The following DRC8 variants were observed in gnomAD, a reference collection of about 807,000 sequenced individuals.
DRC8 encodes the protein dynein regulatory complex protein 8.
the DRC8 span, among the ~76,000 whole-genome samples, chr1:244,975,077 C>A: frequency 3.3e-5 from 5 of 152,228 alleles, no homozygotes; most frequent in South Asian, 1.0e-3. Context: ...ACTACAGGTG[C>A]CTGCCACCAC....
the DRC8 span, among the ~76,000 whole-genome samples, chr1:245,076,725 A>AT: frequency 0.11 from 16,186 of 149,060 alleles, 1,128 homozygotes; most frequent in African/African-American, 0.2. Context: ...TGTGAAATAC[A>AT]TTTTTTTTTT....
chr1:245,020,812 T>G, the DRC8 span, among the ~76,000 whole-genome samples: 2 of 150,844 alleles, frequency 1.3e-5, no homozygotes, highest in Non-Finnish European at 3.0e-5. Flanking sequence ...TTTTTTTTAG[T>G]AGAGACGGGG....
the DRC8 span, among the ~76,000 whole-genome samples, chr1:245,081,061 C>A: frequency 1.3e-5 from 2 of 152,082 alleles, no homozygotes; most frequent in African/African-American, 4.8e-5. Flanking sequence ...GTTATTTCCT[C>A]ATGGATGACT....
the DRC8 span, chr1:245,124,021 G>C: frequency 1.3e-5 from 2 of 153,062 alleles, no homozygotes; most frequent in African/African-American, 4.8e-5. Flanking sequence ...TGATCCTCCC[G>C]CCTTGGCCTC....
At chr1:245,052,027 A>C in the DRC8 span, among the ~76,000 whole-genome samples, 1 of 152,070 alleles carries the variant, frequency 6.6e-6, no homozygotes, top group African/African-American at 2.4e-5. Context: ...GTGGGTGATA[A>C]GGACGTTTTC....
the DRC8 span, among the ~76,000 whole-genome samples, chr1:245,006,631 C>G: frequency 6.6e-6 from 1 of 152,068 alleles, no homozygotes; most frequent in Admixed American, 6.6e-5. Flanking sequence ...GAACAGAGTT[C>G]AGAAGGGTTT....
At chr1:244,970,746 C>A in the DRC8 span, 1 of 455,076 alleles carries the variant, frequency 2.2e-6, no homozygotes, top group Admixed American at 5.0e-5. Flanking sequence ...TCCTCCCGCC[C>A]TCTTCACCCT....
chr1:245,099,293 G>A, the DRC8 span, among the ~76,000 whole-genome samples: 832 of 152,290 alleles, frequency 5.5e-3, 4 homozygotes, highest in Middle Eastern at 0.014. Context: ...TCAAGGGGGG[G>A]CTTTTTCAAC....
At chr1:245,106,481 C>T in the DRC8 span, among the ~76,000 whole-genome samples, 4 of 151,708 alleles carry the variant, frequency 2.6e-5, no homozygotes, top group East Asian at 5.8e-4. Context: ...CATTTACAAC[C>T]ATTTAAATAT....
chr1:245,056,414 G>C, the DRC8 span, among the ~76,000 whole-genome samples: 247 of 152,232 alleles, frequency 1.6e-3, no homozygotes, highest in African/African-American at 5.9e-3. Flanking sequence ...TCCTGCCTCA[G>C]CCTCCTGAGT....
the DRC8 span, among the ~76,000 whole-genome samples, chr1:245,081,173 A>AT: frequency 6.7e-6 from 1 of 149,124 alleles, no homozygotes; most frequent in African/African-American, 2.5e-5. Flanking sequence ...ATATATATAT[A>AT]TTTTTTGAGA....
chr1:245,087,509 G>A, the DRC8 span: 31 of 1,366,006 alleles, frequency 2.3e-5, no homozygotes, highest in Admixed American at 7.3e-5. Context: ...AAAGATGATC[G>A]TAACACTTTA....
chr1:245,073,539 G>GGAACTGT, the DRC8 span, among the ~76,000 whole-genome samples: 1 of 151,962 alleles, frequency 6.6e-6, no homozygotes, highest in Non-Finnish European at 1.5e-5. Flanking sequence ...GTGGCATATG[G>GGAACTGT]GAACTGTCTG....
chr1:245,020,128 C>T, the DRC8 span, among the ~76,000 whole-genome samples: 17 of 152,164 alleles, frequency 1.1e-4, no homozygotes, highest in Non-Finnish European at 1.6e-4. Flanking sequence ...GGTGTTACTT[C>T]CTGTGTAGGG....
the DRC8 span, chr1:245,087,661 G>A: frequency 9.6e-7 from 1 of 1,040,766 alleles, no homozygotes; most frequent in Non-Finnish European, 1.2e-6. Context: ...TAATTAAGCT[G>A]ACAAAATGAA....
chr1:245,002,450 C>T, the DRC8 span, among the ~76,000 whole-genome samples: 1 of 152,202 alleles, frequency 6.6e-6, no homozygotes, highest in Admixed American at 6.5e-5. Context: ...CCTATCCCCA[C>T]CTTGCGTACT....
the DRC8 span, among the ~76,000 whole-genome samples, chr1:244,978,650 C>T: frequency 6.6e-6 from 1 of 151,950 alleles, no homozygotes; most frequent in South Asian, 2.1e-4. Flanking sequence ...CCACTGTGCC[C>T]AACTAACATT....
At chr1:245,093,254 T>G in the DRC8 span, among the ~76,000 whole-genome samples, 4 of 152,226 alleles carry the variant, frequency 2.6e-5, no homozygotes, top group Non-Finnish European at 5.9e-5. Flanking sequence ...ATTTCTAGAA[T>G]GTGAAAACAG....
At chr1:244,984,181 ACAGAGGATAACC>A in the DRC8 span, among the ~76,000 whole-genome samples, 2 of 152,066 alleles carry the variant, frequency 1.3e-5, no homozygotes, top group African/African-American at 4.8e-5. Flanking sequence ...CTTCCTAGTT[ACAGAGGATAACC>A]CAATTTCCCA....
Sources: gnomAD v4.1 joint callset for allele counts (sites outside exome capture counted in the v4.1 genomes callset) on GRCh38, gnomAD v4.1.1 for gene constraint, MANE v1.5 for transcripts, NCBI Gene and HGNC (gene_info 2026-07-23, HGNC 2026-07-21) for gene names.